GSE1: variants seen among roughly 807,000 people sequenced by gnomAD.
GSE1 encodes genetic suppressor element 1.
GSE1 carries 32 observed loss-of-function variants against 112.6 expected under a neutral mutation model. The observed-to-expected ratio is 0.28, with a 90% CI of 0.21 to 0.38. GSE1 has a LOEUF of 0.38. Ranked by LOEUF, GSE1 falls within the 10% of genes least tolerant of loss-of-function variation. GSE1 has a pLI of 1.00. For missense variants in GSE1, 2,348 were observed against 1,699.2 expected, an observed-to-expected ratio of 1.38 and a Z score of -6.71; for synonymous variants, 1,115 against 735.6, an observed-to-expected ratio of 1.52 and a Z score of -8.35.
At chr16:85,343,986 G>A (rs1039066510) in intron 1 of GSE1, among the ~76,000 whole-genome samples, 1 of 152,274 alleles carries the variant, frequency 6.6e-6, no homozygotes, top group Non-Finnish European at 1.5e-5. Context: ...GCCATTCCCC[G>A]CGCCTGAAAC....
At position 85,430,057 on chromosome 16, in the gene GSE1, G is replaced by A. The variant is rs528414825; in HGVS notation, c.2464+72414G>A. ...CCTGTCTCTTCACCTCCTAGTCCTCGGGGAATCCATCGGGGGTTCAGTCGG... is the reference window on the plus strand; with the variant it reads ...CCTGTCTCTTCACCTCCTAGTCCTCAGGGAATCCATCGGGGGTTCAGTCGG... On this transcript the variant is annotated intron_variant, in intron 2 of 2. Transcript: ENST00000637419. 8.5e-5 allele frequency among the ~76,000 whole-genome samples: 13 copies of A among 152,312 alleles called. No homozygotes were observed. In the South Asian group the frequency reaches 1.4e-3, roughly 17 times the overall value.
chr16:85,214,740 C>G (rs4497673), intron 1 of GSE1, among the ~76,000 whole-genome samples: 71,620 of 152,034 alleles, frequency 0.47, 18,231 homozygotes, highest in African/African-American at 0.68. Flanking sequence ...CGACTAGAGC[C>G]TCCTCTGCAT....
Position 85,668,313 on chromosome 16 carries a change from G to A in GSE1, c.3304G>A (p.Glu1102Lys). Residue 1102 changes from glutamate (E) to lysine (K), a missense_variant, in exon 14 of 16, where the codon GAG becomes AAG. Coordinates refer to ENST00000253458, the MANE Select transcript of GSE1 (RefSeq NM_014615.5). ...PPTQELDRDS[E>K]EEEEEDDEDG... ...AACCCAGGAGTTGGACCGGGACTCG[G>A]AGGAGGAGGAAGAGGAGGATGATGA... The A allele has an allele frequency of 6.2e-7, 1 of 1,611,300 alleles. No homozygotes were observed. The highest frequency in any genetic ancestry group is 8.5e-7 in the Non-Finnish European group (1 of 1,177,698).
intron 1 of GSE1, among the ~76,000 whole-genome samples, chr16:85,240,365 C>T (rs1439189214): frequency 6.7e-6 from 1 of 149,844 alleles, no homozygotes; most frequent in Non-Finnish European, 1.5e-5. Flanking sequence ...TCAGTTGGCT[C>T]AGGCCCCCTC....
At chr16:85,371,712 C>T (rs1022868961) in intron 2 of GSE1, among the ~76,000 whole-genome samples, 48 of 152,176 alleles carry the variant, frequency 3.2e-4, no homozygotes, top group African/African-American at 1.1e-3. Flanking sequence ...TGAGGGTGAG[C>T]TCAGGGTGCC....
chr16:85,520,332 C>G (rs1328537876), intron 2 of GSE1, among the ~76,000 whole-genome samples: 1 of 151,676 alleles, frequency 6.6e-6, no homozygotes, highest in African/African-American at 2.4e-5. Flanking sequence ...GATTTCAACA[C>G]AGGAATTGGA....
At chr16:85,480,677 CCAGCAGGTGTGGCGGG>C (rs144112320) in intron 2 of GSE1, among the ~76,000 whole-genome samples, 5,373 of 152,130 alleles carry the variant, frequency 0.035, 325 homozygotes, top group African/African-American at 0.12. Context: ...TGTTGCCTTC[CCAGCAGGTGTGGCGGG>C]CGGCAGGGGT....
At chr16:85,671,717 GT>G (rs1407553083) in intron 15 of GSE1, 1 of 153,394 alleles carries the variant, frequency 6.5e-6, no homozygotes, top group Non-Finnish European at 1.5e-5. Flanking sequence ...ATTATTGCCT[GT>G]ATCAGTCTCC....
intron 1 of GSE1, among the ~76,000 whole-genome samples, chr16:85,618,273 C>T (rs1038944458): frequency 2.0e-5 from 3 of 152,116 alleles, no homozygotes; most frequent in Non-Finnish European, 4.4e-5. Flanking sequence ...CTCACCCCCA[C>T]CCCCATGTTC....
intron 1 of GSE1, among the ~76,000 whole-genome samples, chr16:85,614,476 G>A (rs2048239936): frequency 1.3e-5 from 2 of 152,220 alleles, no homozygotes; most frequent in Admixed American, 1.3e-4. Flanking sequence ...GAAATGTGCG[G>A]TGGAGACTCG....
At chr16:85,228,540 A>G (rs1317898430) in intron 1 of GSE1, among the ~76,000 whole-genome samples, 2 of 152,176 alleles carry the variant, frequency 1.3e-5, no homozygotes, top group Admixed American at 6.5e-5. Context: ...TTCCTATAAA[A>G]TGGGAATAAT....
chr16:85,555,180 G>A (rs1214094464), upstream of GSE1: 1 of 985,300 alleles, frequency 1.0e-6, no homozygotes, highest in Non-Finnish European at 1.2e-6. Flanking sequence ...AGACAAATCT[G>A]CTGTCAGGCA....
intron 2 of GSE1, among the ~76,000 whole-genome samples, chr16:85,470,472 C>T (rs1278910098): frequency 6.6e-6 from 1 of 152,352 alleles, no homozygotes; most frequent in African/African-American, 2.4e-5. Context: ...GGGTCCCCTT[C>T]ATGCCCGGCC....
At chr16:85,572,484 C>T (rs947785981) in intron 1 of GSE1, among the ~76,000 whole-genome samples, 10 of 150,002 alleles carry the variant, frequency 6.7e-5, no homozygotes, top group South Asian at 2.1e-4. Context: ...ACACACACCA[C>T]ATGCACACAA....
chr16:85,333,320 G>A (rs2046415375), intron 1 of GSE1, among the ~76,000 whole-genome samples: 1 of 152,156 alleles, frequency 6.6e-6, no homozygotes, highest in South Asian at 2.1e-4. Context: ...TCCTTACTGA[G>A]AGGGCAAAAT....
At chr16:85,581,855 G>A (rs903616422) in intron 1 of GSE1, among the ~76,000 whole-genome samples, 3 of 152,128 alleles carry the variant, frequency 2.0e-5, no homozygotes, top group African/African-American at 7.2e-5. Flanking sequence ...GGCTGCATCC[G>A]AATCTTATGG....
At chr16:85,350,438 A>G (rs2046829758) in intron 1 of GSE1, among the ~76,000 whole-genome samples, 1 of 152,102 alleles carries the variant, frequency 6.6e-6, no homozygotes, top group African/African-American at 2.4e-5. Flanking sequence ...CTGTGACTTC[A>G]GGGACCCTAG....
chr16:85,194,661 G>C (rs183860887), intron 1 of GSE1, among the ~76,000 whole-genome samples: 1 of 152,292 alleles, frequency 6.6e-6, no homozygotes, highest in East Asian at 1.9e-4. Context: ...TTAGATTAAA[G>C]ACAGTTAACC....
At chr16:85,641,486 G>C (rs371910569) in intron 2 of GSE1, among the ~76,000 whole-genome samples, 1 of 152,276 alleles carries the variant, frequency 6.6e-6, no homozygotes, top group East Asian at 1.9e-4. Flanking sequence ...GCCGCGGGTC[G>C]GGAGAGCCCT....
Sources: allele counts gnomAD v4.1 joint callset (sites outside exome capture counted in the v4.1 genomes callset), GRCh38; gene constraint gnomAD v4.1.1; transcripts MANE v1.5; gene names NCBI Gene and HGNC (gene_info 2026-07-23, HGNC 2026-07-21).